TERB1: variants seen among roughly 807,000 people sequenced by gnomAD.
TERB1 encodes telomere repeat binding bouquet formation protein 1, also known as telomere repeats-binding bouquet formation protein 1.
A neutral mutation model predicts 92.3 loss-of-function variants in TERB1; 63 were observed. That is an observed-to-expected ratio of 0.68 (90% confidence interval 0.56 to 0.84). TERB1 has a LOEUF of 0.84. TERB1 is among the 40% of genes least tolerant of loss of function. The probability of loss-of-function intolerance (pLI) is 0.00; values close to 1 mark genes in which losing one functional copy is unlikely to be tolerated. For missense variants in TERB1, 709 were observed against 843.7 expected (o/e 0.84, Z 1.98); for synonymous variants, 252 against 283.9 (o/e 0.89, Z 1.13).
At chr16:66,791,607 C>A (rs1350090166) in intron 3 of TERB1, among the ~76,000 whole-genome samples, 1 of 152,026 alleles carries the variant, frequency 6.6e-6, no homozygotes, top group Non-Finnish European at 1.5e-5. Context: ...ACACAAATTA[C>A]CAATATCAGA....
chr16:66,779,279 C>T (rs1050197649), intron 9 of TERB1, among the ~76,000 whole-genome samples: 1 of 152,068 alleles, frequency 6.6e-6, no homozygotes, highest in African/African-American at 2.4e-5. Flanking sequence ...AAGAACTGCT[C>T]TATTTTGTAA....
chr16:66,772,863 T>A, intron 12 of TERB1, 114 bp from the exon 13 acceptor site: 1 of 761,030 alleles, frequency 1.3e-6, no homozygotes, highest in Non-Finnish European at 2.1e-6. Context: ...CAGACTATCT[T>A]AACAGCTTAA....
At chr16:66,775,485 T>C (rs368438232) in intron 11 of TERB1, among the ~76,000 whole-genome samples, 13 of 151,898 alleles carry the variant, frequency 8.6e-5, no homozygotes, top group Middle Eastern at 3.4e-3. Context: ...AATACAAAAA[T>C]TAGCCAGGCA....
intron 12 of TERB1, 72 bp downstream of exon 12, chr16:66,775,046 C>T: frequency 6.8e-7 from 1 of 1,469,688 alleles, no homozygotes; most frequent in Admixed American, 2.0e-5. Flanking sequence ...AGGGCCTTGG[C>T]TCATGAAAGC....
intron 5 of TERB1, among the ~76,000 whole-genome samples, chr16:66,788,619 G>A (rs915577792): frequency 7.4e-5 from 11 of 149,562 alleles, no homozygotes; most frequent in Non-Finnish European, 1.3e-4. Context: ...TAAAGGATGA[G>A]TAACAAAACA....
chr16:66,771,638 T>TACACACACACACACAC (rs57620654), intron 13 of TERB1, among the ~76,000 whole-genome samples: 1 of 142,988 alleles, frequency 7.0e-6, no homozygotes, highest in African/African-American at 2.5e-5. Context: ...TGTTACAGAA[T>TACACACACACACACAC]ACACACACAC....
chr16:66,793,211 GTTTTTTTTTT>G (rs1174263983), intron 3 of TERB1, among the ~76,000 whole-genome samples: 1 of 93,578 alleles, frequency 1.1e-5, no homozygotes, highest in African/African-American at 4.8e-5. Context: ...TTGTGGTTTG[GTTTTTTTTTT>G]TTTTTTTTTT....
intron 12 of TERB1, among the ~76,000 whole-genome samples, chr16:66,774,883 GAC>G (rs2018519951): frequency 6.6e-6 from 1 of 151,728 alleles, no homozygotes; most frequent in South Asian, 2.1e-4. Flanking sequence ...TTTTTATAGA[GAC>G]AGAGTTTCTC....
intron 18 of TERB1, 93 bp from the exon 19 acceptor site, chr16:66,755,256 T>A: frequency 1.3e-6 from 1 of 758,216 alleles, no homozygotes; most frequent in Non-Finnish European, 2.1e-6. Flanking sequence ...AACTTATACC[T>A]AAGGATATAA....
At chr16:66,781,598 C>A (rs1415982239) in intron 9 of TERB1, among the ~76,000 whole-genome samples, 2 of 147,790 alleles carry the variant, frequency 1.4e-5, no homozygotes, top group Non-Finnish European at 3.0e-5. Context: ...TGGCTCACTG[C>A]AAGCTCCACC....
chr16:66,762,353 T>C (rs575831642), intron 16 of TERB1, among the ~76,000 whole-genome samples: 10 of 152,330 alleles, frequency 6.6e-5, no homozygotes, highest in Admixed American at 3.9e-4. Flanking sequence ...ATACTTCACA[T>C]GCATCCTTAA....
At chr16:66,789,359 C>T (rs1597024846) in intron 5 of TERB1, among the ~76,000 whole-genome samples, 1 of 100,080 alleles carries the variant, frequency 1.0e-5, no homozygotes, top group Non-Finnish European at 1.9e-5. Flanking sequence ...CCGAGGCGGG[C>T]GGATCACGAG....
chr16:66,797,234 CTT>C (rs570658663), intron 2 of TERB1, among the ~76,000 whole-genome samples: 31 of 137,780 alleles, frequency 2.2e-4, no homozygotes, highest in Non-Finnish European at 1.9e-4. Flanking sequence ...CATTTCCTTC[CTT>C]TTTTTTTTTT....
Position 66,786,015 on chromosome 16 carries a change from AT to A in TERB1, c.575del (p.Asn192MetfsTer19). The A allele has an allele frequency of 6.5e-7, 1 of 1,544,088 alleles. No individual in the cohort carries two copies. The highest frequency in any genetic ancestry group is 1.2e-5 in the South Asian group (1 of 82,142). On this transcript the variant is annotated frameshift_variant and splice_region_variant, in exon 8 of 19. Transcript: ENST00000433154. LOFTEE classifies it high-confidence loss of function. ...TATTTAAACATGACAGATAATTACC[AT>A]TTTGAGGATTGTTGACACAGACACA... The part of the protein sequence containing the change: ...TLCVCVNNPQ[N>X]DENQMFCCSL...
intron 12 of TERB1, among the ~76,000 whole-genome samples, chr16:66,773,227 T>C (rs35951549): frequency 0.51 from 76,482 of 151,040 alleles, 20,239 homozygotes; most frequent in African/African-American, 0.64. Context: ...CCAGATAATC[T>C]GGAAGTTAAG....
chr16:66,796,661 G>A, intron 3 of TERB1, 107 bp downstream of exon 3: 5 of 830,010 alleles, frequency 6.0e-6, no homozygotes, highest in Non-Finnish European at 9.8e-6. Flanking sequence ...CAATAGTTAT[G>A]TAAATGGCTG....
At chr16:66,761,636 AT>A (rs113934629) in intron 16 of TERB1, among the ~76,000 whole-genome samples, 2,389 of 152,008 alleles carry the variant, frequency 0.016, 57 homozygotes, top group South Asian at 0.097. Context: ...ACCAAAAAAA[AT>A]ATTAGCCGGG....
chr16:66,784,202 T>C (rs1421365099), intron 9 of TERB1, among the ~76,000 whole-genome samples: 2 of 151,972 alleles, frequency 1.3e-5, no homozygotes, highest in South Asian at 2.1e-4. Flanking sequence ...TTCAAAGAAT[T>C]AGCTCATGTT....
intron 16 of TERB1, among the ~76,000 whole-genome samples, chr16:66,760,783 C>CAAAA (rs57817560): frequency 8.9e-5 from 6 of 67,276 alleles, no homozygotes; most frequent in African/African-American, 1.2e-4. Context: ...GACTCCATCT[C>CAAAA]AAAAAAAAAA....
Sources: gnomAD v4.1 joint callset for allele counts (sites outside exome capture counted in the v4.1 genomes callset) on GRCh38, gnomAD v4.1.1 for gene constraint, MANE v1.5 for transcripts, NCBI Gene and HGNC (gene_info 2026-07-23, HGNC 2026-07-21) for gene names.